ITGBL1: variants seen among roughly 807,000 people sequenced by gnomAD.
ITGBL1 encodes integrin beta-like protein 1.
ITGBL1 carries 51 observed loss-of-function variants against 68.5 expected under a neutral mutation model. The observed-to-expected ratio is 0.74, with a 90% CI of 0.59 to 0.94. The LOEUF (loss-of-function observed/expected upper bound fraction) is 0.94, where lower values mean the gene tolerates loss of function less well. ITGBL1 is among the 40% of genes least tolerant of loss of function. ITGBL1 has a pLI of 0.00. For synonymous variants in ITGBL1, 209 were observed against 227.3 expected (o/e 0.92, Z 0.72); for missense variants, 649 against 647.4 (o/e 1.00, Z -0.03).
chr13:101,479,892 T>C (rs935212415), intron 2 of ITGBL1, among the ~76,000 whole-genome samples: 1 of 152,106 alleles, frequency 6.6e-6, no homozygotes, highest in Non-Finnish European at 1.5e-5. Flanking sequence ...ATAGCCACTG[T>C]GAAGAACAAT....
chr13:101,498,183 A>C (rs2048885858), intron 2 of ITGBL1, among the ~76,000 whole-genome samples: 1 of 151,962 alleles, frequency 6.6e-6, no homozygotes, highest in South Asian at 2.1e-4. Flanking sequence ...CCGAGACCTC[A>C]TATAGCTTCT....
At chr13:101,455,694 A>G (rs2048234583) in intron 2 of ITGBL1, among the ~76,000 whole-genome samples, 1 of 152,194 alleles carries the variant, frequency 6.6e-6, no homozygotes, top group Admixed American at 6.5e-5. Context: ...AAATTAAAAT[A>G]TTGGATGCCA....
At chr13:101,628,015 T>C (rs1287837401) in intron 7 of ITGBL1, among the ~76,000 whole-genome samples, 1 of 152,172 alleles carries the variant, frequency 6.6e-6, no homozygotes, top group Non-Finnish European at 1.5e-5. Context: ...AGTAAGAAAC[T>C]GCTGAACTGT....
chr13:101,671,683 C>A (rs1441032276), intron 7 of ITGBL1, among the ~76,000 whole-genome samples: 1 of 151,844 alleles, frequency 6.6e-6, no homozygotes, highest in Non-Finnish European at 1.5e-5. Flanking sequence ...CATGATCCGC[C>A]CACCTCTGCC....
intron 2 of ITGBL1, among the ~76,000 whole-genome samples, chr13:101,457,353 T>C (rs1317827864): frequency 6.6e-6 from 1 of 152,190 alleles, no homozygotes; most frequent in Non-Finnish European, 1.5e-5. Context: ...GGGATAACTA[T>C]TTTGGCCCAG....
intron 2 of ITGBL1, among the ~76,000 whole-genome samples, chr13:101,490,889 T>G (rs1168058402): frequency 6.6e-6 from 1 of 152,146 alleles, no homozygotes; most frequent in Non-Finnish European, 1.5e-5. Flanking sequence ...TGGGAATCCC[T>G]AGGGTTGCCC....
intron 8 of ITGBL1, among the ~76,000 whole-genome samples, chr13:101,694,874 A>G (rs925369285): frequency 2.6e-5 from 4 of 152,178 alleles, no homozygotes; most frequent in Non-Finnish European, 5.9e-5. Flanking sequence ...CTAATAAAAG[A>G]TTTTCATATG....
At chr13:101,576,703 C>T (rs1201574091) in intron 4 of ITGBL1, among the ~76,000 whole-genome samples, 1 of 152,126 alleles carries the variant, frequency 6.6e-6, no homozygotes, top group Non-Finnish European at 1.5e-5. Context: ...TGTGAGTCAT[C>T]CAAATACACT....
At chr13:101,476,697 A>G (rs2048541641) in intron 2 of ITGBL1, among the ~76,000 whole-genome samples, 1 of 152,184 alleles carries the variant, frequency 6.6e-6, no homozygotes, top group South Asian at 2.1e-4. Context: ...GAGCAGGAAT[A>G]GCTATACTTA....
At chr13:101,455,456 C>T (rs952437716) in intron 2 of ITGBL1, among the ~76,000 whole-genome samples, 4 of 151,916 alleles carry the variant, frequency 2.6e-5, no homozygotes, top group Admixed American at 2.6e-4. Context: ...CACTTGAGGT[C>T]AGGAGTTCAA....
intron 2 of ITGBL1, among the ~76,000 whole-genome samples, chr13:101,513,894 T>C (rs1240058643): frequency 6.6e-6 from 1 of 152,106 alleles, no homozygotes; most frequent in East Asian, 1.9e-4. Flanking sequence ...AACTTAGTAA[T>C]GTATAATTAT....
intron 2 of ITGBL1, among the ~76,000 whole-genome samples, chr13:101,459,371 A>C (rs2048287449): frequency 6.6e-6 from 1 of 152,218 alleles, no homozygotes; most frequent in Admixed American, 6.5e-5. Context: ...TGTGACATTG[A>C]GCATGATTTT....
chr13:101,479,972 C>T (rs2048593713), intron 2 of ITGBL1, among the ~76,000 whole-genome samples: 1 of 152,016 alleles, frequency 6.6e-6, no homozygotes, highest in Non-Finnish European at 1.5e-5. Flanking sequence ...TGGATACATA[C>T]CGAAAAGAAA....
intron 7 of ITGBL1, among the ~76,000 whole-genome samples, chr13:101,620,994 A>C (rs2031557161): frequency 6.6e-6 from 1 of 152,152 alleles, no homozygotes; most frequent in African/African-American, 2.4e-5. Flanking sequence ...CTCCAAAAGA[A>C]TAAGAAGCAA....
intron 2 of ITGBL1, among the ~76,000 whole-genome samples, chr13:101,537,712 T>C (rs1193716050): frequency 6.6e-6 from 1 of 152,028 alleles, no homozygotes; most frequent in East Asian, 1.9e-4. Flanking sequence ...GTCATGTGGA[T>C]CACAATGTAT....
At chr13:101,640,859 T>C (rs898247966) in intron 7 of ITGBL1, among the ~76,000 whole-genome samples, 5 of 152,154 alleles carry the variant, frequency 3.3e-5, no homozygotes, top group Admixed American at 1.3e-4. Context: ...CTCCCACTTA[T>C]AAATGAAAAC....
At chr13:101,529,140 G>A (rs1039655569) in intron 2 of ITGBL1, among the ~76,000 whole-genome samples, 1 of 151,530 alleles carries the variant, frequency 6.6e-6, no homozygotes, top group Non-Finnish European at 1.5e-5. Context: ...AAGAAAAACC[G>A]AAGTTGAAAG....
intron 5 of ITGBL1, among the ~76,000 whole-genome samples, chr13:101,580,508 T>G (rs2050438636): frequency 6.6e-6 from 1 of 152,212 alleles, no homozygotes. Context: ...GTTACATATG[T>G]ATACATGTGC....
At chr13:101,508,623 A>C (rs986388074) in intron 2 of ITGBL1, among the ~76,000 whole-genome samples, 22 of 152,072 alleles carry the variant, frequency 1.4e-4, no homozygotes, top group Non-Finnish European at 4.4e-5. Context: ...ATTAAGTTTT[A>C]TTATATTATG....
Sources: gnomAD v4.1 joint callset for allele counts (sites outside exome capture counted in the v4.1 genomes callset) on GRCh38, gnomAD v4.1.1 for gene constraint, MANE v1.5 for transcripts, NCBI Gene and HGNC (gene_info 2026-07-23, HGNC 2026-07-21) for gene names.